DLGAP1: variants seen among roughly 807,000 people sequenced by gnomAD.
DLGAP1 encodes the protein DLG associated protein 1.
DLGAP1 carries 11 observed loss-of-function variants against 90.8 expected under a neutral mutation model. That is an observed-to-expected ratio of 0.12 (90% confidence interval 0.08 to 0.20). DLGAP1 has a LOEUF of 0.20. DLGAP1 is among the 10% of genes least tolerant of loss of function. DLGAP1 has a pLI of 1.00. For synonymous variants in DLGAP1, 558 were observed against 540.7 expected (o/e 1.03, Z -0.44); for missense variants, 1,050 against 1,333.8 (o/e 0.79, Z 3.31).
chr18:4,422,054 C>G (rs1160173520), intron 1 of DLGAP1, among the ~76,000 whole-genome samples: 6 of 152,090 alleles, frequency 3.9e-5, no homozygotes, highest in Admixed American at 3.9e-4. Context: ...TTTCAGAACT[C>G]TAGCATAAAA....
chr18:3,598,038 C>G (rs1003328324), intron 7 of DLGAP1: 1 of 152,274 alleles, frequency 6.6e-6, no homozygotes, highest in African/African-American at 2.4e-5. Flanking sequence ...GCTCAGATAA[C>G]AGGGTTAGTG....
chr18:3,647,985 G>A (rs1288716557), intron 7 of DLGAP1, among the ~76,000 whole-genome samples: 1 of 152,174 alleles, frequency 6.6e-6, no homozygotes, highest in African/African-American at 2.4e-5. Context: ...AGGAGGGCAT[G>A]TATAAAATCA....
chr18:3,800,949 T>C (rs1017039309), intron 5 of DLGAP1, among the ~76,000 whole-genome samples: 4 of 152,204 alleles, frequency 2.6e-5, no homozygotes, highest in African/African-American at 9.7e-5. Flanking sequence ...AATCAGCTCA[T>C]GATTCTGCAG....
At chr18:4,211,915 C>A (rs1224213881) in intron 1 of DLGAP1, among the ~76,000 whole-genome samples, 2 of 152,042 alleles carry the variant, frequency 1.3e-5, no homozygotes, top group African/African-American at 2.4e-5. Context: ...AGCTTGTTTG[C>A]CAAATTCAGG....
chr18:3,713,402 G>A (rs942290340), intron 7 of DLGAP1, among the ~76,000 whole-genome samples: 3 of 152,224 alleles, frequency 2.0e-5, no homozygotes, highest in African/African-American at 4.8e-5. Flanking sequence ...TGGACACATC[G>A]CTCAGATAAC....
At position 3,565,844 on chromosome 18, in the gene DLGAP1, A is replaced by T. The variant is rs1474653170; in HGVS notation, c.2057+1646T>A. On this transcript the variant is annotated intron_variant, in intron 9 of 12. Coordinates refer to ENST00000315677, the MANE Select transcript of DLGAP1 (RefSeq NM_004746.4). This position sits in a 1 kb window ranked among gnomAD's most constrained non-coding sequence, Gnocchi z 4.0. ...AGTGAGACTCTGTCTCAAAAAAACC[A>T]CACACAAAAAACAAACAAACAAAAA... is the stretch of plus-strand genomic sequence containing the variant. Among the ~76,000 whole-genome samples, 1 of 148,764 alleles carries T rather than the reference A, an allele frequency of 6.7e-6. No homozygotes were observed. The highest frequency in any genetic ancestry group is 1.5e-5 in the Non-Finnish European group (1 of 67,440).
chr18:4,054,865 C>T (rs761766048), intron 2 of DLGAP1, among the ~76,000 whole-genome samples: 33 of 152,188 alleles, frequency 2.2e-4, no homozygotes, highest in Non-Finnish European at 3.4e-4. Context: ...AAAATGCATG[C>T]TCCTAGAATG....
chr18:3,778,837 AGAT>A (rs1156812444), intron 5 of DLGAP1, among the ~76,000 whole-genome samples: 47 of 152,282 alleles, frequency 3.1e-4, no homozygotes, highest in African/African-American at 1.1e-3. Flanking sequence ...ACAGAAAGGG[AGAT>A]CCTGCCCTGG....
intron 1 of DLGAP1, among the ~76,000 whole-genome samples, chr18:4,154,584 TG>T (rs1360763346): frequency 3.3e-5 from 5 of 152,030 alleles, no homozygotes; most frequent in African/African-American, 1.2e-4. Flanking sequence ...TTGCATTTTA[TG>T]GAACACCTAT....
At chr18:3,842,487 G>A (rs1054795354) in intron 4 of DLGAP1, among the ~76,000 whole-genome samples, 16 of 152,248 alleles carry the variant, frequency 1.1e-4, no homozygotes, top group South Asian at 4.1e-4. Flanking sequence ...AAGACCACTA[G>A]GAGATATTTA....
At chr18:3,615,174 GGCCTCTCAAAGT>G (rs1374187260) in intron 7 of DLGAP1, among the ~76,000 whole-genome samples, 2 of 151,966 alleles carry the variant, frequency 1.3e-5, no homozygotes, top group Admixed American at 1.3e-4. Context: ...CGCCAGCCTC[GGCCTCTCAAAGT>G]GCTAGGATTA....
At chr18:4,440,214 G>A (rs1447775408) in intron 1 of DLGAP1, among the ~76,000 whole-genome samples, 1 of 151,390 alleles carries the variant, frequency 6.6e-6, no homozygotes, top group East Asian at 1.9e-4. Flanking sequence ...GGGGAGTTAT[G>A]AGGGGTCAAA....
intron 7 of DLGAP1, among the ~76,000 whole-genome samples, chr18:3,657,423 G>A (rs535671363): frequency 1.2e-4 from 18 of 152,242 alleles, no homozygotes; most frequent in African/African-American, 4.3e-4. Flanking sequence ...AACCAATGGT[G>A]TCTGGTCCAA....
At chr18:3,957,851 C>A (rs2073112619) in intron 3 of DLGAP1, among the ~76,000 whole-genome samples, 1 of 151,586 alleles carries the variant, frequency 6.6e-6, no homozygotes, top group African/African-American at 2.4e-5. Flanking sequence ...GATAAAGGTA[C>A]CTTGTTCAGT....
chr18:4,273,111 C>G (rs1481969889), intron 1 of DLGAP1, among the ~76,000 whole-genome samples: 1 of 152,162 alleles, frequency 6.6e-6, no homozygotes, highest in Non-Finnish European at 1.5e-5. Context: ...GCTTTACCAC[C>G]TCTCCACACC....
chr18:3,572,069 G>GTTTTTTTT (rs67491547), intron 8 of DLGAP1, among the ~76,000 whole-genome samples: 6 of 105,620 alleles, frequency 5.7e-5, no homozygotes, highest in East Asian at 3.1e-4. Flanking sequence ...TTTCTTCTAG[G>GTTTTTTTT]TTTTTTTTTT....
intron 1 of DLGAP1, chr18:4,294,329 G>C (rs948253171): frequency 2.0e-5 from 3 of 152,192 alleles, no homozygotes; most frequent in African/African-American, 7.2e-5. Flanking sequence ...ACCTCCTTGA[G>C]AGCACCCCTG....
intron 1 of DLGAP1, among the ~76,000 whole-genome samples, chr18:4,211,603 C>T (rs1233099255): frequency 2.0e-5 from 3 of 152,072 alleles, no homozygotes; most frequent in Non-Finnish European, 2.9e-5. Context: ...AAGACGAGTA[C>T]ATATGAGCAC....
intron 7 of DLGAP1, chr18:3,603,755 C>T (rs1413645812): frequency 6.5e-6 from 1 of 154,378 alleles, no homozygotes; most frequent in African/African-American, 2.4e-5. Context: ...GGATGAATGC[C>T]ATCCACACAA....
Sources: gnomAD v4.1 joint callset for allele counts (sites outside exome capture counted in the v4.1 genomes callset) on GRCh38, gnomAD v4.1.1 for gene constraint, Gnocchi (gnomAD v3.1) non-coding constraint, MANE v1.5 for transcripts, NCBI Gene and HGNC (gene_info 2026-07-23, HGNC 2026-07-21) for gene names.